Variants in AMER1 observed in about 807,000 individuals in gnomAD.
AMER1 encodes the protein RP11-403E24.2.
In AMER1, 16 loss-of-function variants were observed where a neutral mutation model predicts 53.0. That is an observed-to-expected ratio of 0.30 (90% CI 0.20 to 0.46). The LOEUF is 0.46. Among genes scored for constraint, AMER1 ranks in the 20% least tolerant of loss-of-function variants. The pLI is 1.00. For missense variants in AMER1, 947 were observed against 884.9 expected (o/e 1.07, Z -0.89); for synonymous variants, 354 against 331.9 (o/e 1.07, Z -0.73).
At position 64,192,362 on chromosome X, in the gene AMER1, G is replaced by A. The variant is rs2147089452; in HGVS notation, c.925C>T (p.Leu309=). Residue 309 remains leucine (L), a synonymous_variant, in exon 2 of 2, where the codon CTG becomes TTG. Transcript: ENST00000374869. ...GTCACATCCCCAAACAAGAGGCTCA[G>A]TGGGTCCCCCACAGGGCCATTGGGT... ...NPPNGPVGDP[L]SLLFGDVTSL... The A allele has an allele frequency of 2.5e-6, 3 of 1,212,545 alleles. No individual in the cohort carries two copies. Among genetic ancestry groups the A allele is most frequent in the Non-Finnish European group, 3.3e-6 (3 of 895,692 alleles).
intron 1 of AMER1, among the ~76,000 whole-genome samples, chrX:64,205,147 G>C (rs979183471): frequency 2.6e-5 from 3 of 113,752 alleles, no homozygotes; most frequent in African/African-American, 9.5e-5. Context: ...GGGGTGAGCG[G>C]TACCCGCGTT....
Position 64,189,476 on chromosome X carries a change from G to GTA in AMER1, c.*402_*403insTA, listed in dbSNP as rs1458101676. ...TGTGCATGTGTGTTTGTGTGTGTGT[G>GTA]TGTATGTATGTGTGTGTGTGTGTGT... On this transcript the variant is annotated 3_prime_UTR_variant, in exon 2 of 2. Coordinates refer to ENST00000374869, the MANE Select transcript of AMER1 (RefSeq NM_152424.4). 9 of 628,643 alleles carry GTA rather than the reference G, an allele frequency of 1.4e-5. No homozygotes were observed. The African/African-American group carries it at 2.2e-4, about 15-fold the overall frequency. 51.8% of individuals were successfully genotyped at this position (628,643 alleles called of 1,213,427 possible).
At position 64,189,525 on chromosome X, in the gene AMER1, T is replaced by G. The variant is rs1930187896; in HGVS notation, c.*354A>C. On this transcript the variant is annotated 3_prime_UTR_variant, in exon 2 of 2. Transcript: ENST00000374869. The stretch of plus-strand genomic sequence containing the variant: ...GTGTGTGTGTGTGTGTATATATATA[T>G]ATATATATATATATATATATATATA... 1.3e-5 allele frequency: 1 copy of G among 78,678 alleles called. No individual in the cohort carries two copies. Among genetic ancestry groups the G allele is most frequent in the Non-Finnish European group, 1.8e-5 (1 of 56,412 alleles). 6.5% of individuals were successfully genotyped at this position (78,678 alleles called of 1,213,427 possible).
At chrX:64,200,326 G>A (rs1374239854) in intron 1 of AMER1, among the ~76,000 whole-genome samples, 1 of 111,962 alleles carries the variant, frequency 8.9e-6, no homozygotes, top group African/African-American at 3.2e-5. Context: ...CCCTACAGAG[G>A]AGCAGCTGGG....
chrX:64,189,794 C>CGGGGGGGG lies in AMER1; in HGVS notation c.*84_*85insCCCCCCCC. Reference sequence around the variant, plus strand: ...AAAGGGTTTTCAAGTTAAACAACAACCCCCACCCCCCCACCCTTCTGCCCA... The same window carrying CGGGGGGGG: ...AAAGGGTTTTCAAGTTAAACAACAACGGGGGGGGCCCCACCCCCCCACCCTTCTGCCCA... On this transcript the variant is annotated 3_prime_UTR_variant, in exon 2 of 2. Coordinates refer to ENST00000374869, the MANE Select transcript of AMER1 (RefSeq NM_152424.4). The CGGGGGGGG allele has an allele frequency of 9.0e-5, 27 of 301,520 alleles. No individual in the cohort carries two copies. The highest frequency in any genetic ancestry group is 1.1e-4 in the Non-Finnish European group (26 of 232,613). 24.8% of individuals were successfully genotyped at this position (301,520 alleles called of 1,213,427 possible).
Position 64,189,793 on chromosome X carries a change from A to ACGGGGGCCCCCC in AMER1, c.*85_*86insGGGGGGCCCCCG. ...CAAAGGGTTTTCAAGTTAAACAACA[A>ACGGGGGCCCCCC]CCCCCACCCCCCCACCCTTCTGCCC... On this transcript the variant is annotated 3_prime_UTR_variant, in exon 2 of 2. Transcript: ENST00000374869. 3.4e-6 allele frequency: 1 copy of ACGGGGGCCCCCC among 292,073 alleles called. No homozygotes were observed. Among genetic ancestry groups the ACGGGGGCCCCCC allele is most frequent in the Non-Finnish European group, 4.9e-6 (1 of 204,831 alleles). The allele number at this position is 292,073 out of a possible 1,213,427, so 24.1% of individuals were successfully genotyped here.
chrX:64,191,994 T>A lies in AMER1; in HGVS notation c.1293A>T (p.Pro431=). The A allele has an allele frequency of 8.3e-7, 1 of 1,212,035 alleles. No homozygotes were observed. Among genetic ancestry groups the A allele is most frequent in the Non-Finnish European group, 1.1e-6 (1 of 895,577 alleles). ...MNLGYHPTTS[P]GHHGYMLLDP... is the part of the protein sequence containing the mutation. ...CAAGGAGCATGTAGCCGTGGTGGCCTGGGGATGTGGTGGGATGGTAGCCCA... is the reference window on the plus strand; with the variant it reads ...CAAGGAGCATGTAGCCGTGGTGGCCAGGGGATGTGGTGGGATGGTAGCCCA... Residue 431 remains proline, a synonymous_variant, in exon 2 of 2, where the codon CCA becomes CCT. Coordinates refer to ENST00000374869, the MANE Select transcript of AMER1 (RefSeq NM_152424.4).
intron 1 of AMER1, among the ~76,000 whole-genome samples, chrX:64,196,313 A>G (rs1227438729): frequency 8.9e-6 from 1 of 112,374 alleles, no homozygotes; most frequent in Non-Finnish European, 1.9e-5. Flanking sequence ...TTTTGAGATC[A>G]AAACAGCTCC....
Position 64,189,793 on chromosome X carries a change from A to ACGGGGGGGCCCCCCCC in AMER1, c.*85_*86insGGGGGGGGCCCCCCCG. On this transcript the variant is annotated 3_prime_UTR_variant, in exon 2 of 2. Coordinates refer to ENST00000374869, the MANE Select transcript of AMER1 (RefSeq NM_152424.4). The stretch of plus-strand genomic sequence containing the variant: ...CAAAGGGTTTTCAAGTTAAACAACA[A>ACGGGGGGGCCCCCCCC]CCCCCACCCCCCCACCCTTCTGCCC... 6.8e-6 allele frequency: 2 copies of ACGGGGGGGCCCCCCCC among 292,069 alleles called. No homozygotes were observed. The highest frequency in any genetic ancestry group is 9.8e-6 in the Non-Finnish European group (2 of 204,829). The allele number at this position is 292,069 out of a possible 1,213,427, so 24.1% of individuals were successfully genotyped here. A position where few individuals can be genotyped will look rare whatever the true frequency, so the allele number is the denominator to read the frequency against.
Position 64,193,290 on chromosome X carries a change from G to C in AMER1, c.-4C>G, listed in dbSNP as rs768573091. 8.3e-7 allele frequency: 1 copy of C among 1,211,480 alleles called. No individual in the cohort carries two copies. ...CTTCATCCTTTTGGGTCTCCATGAT[G>C]ATGGGGACAACTGAGGTACGTCCAG... On this transcript the variant is annotated 5_prime_UTR_variant, in exon 2 of 2. It adds an upstream start codon to the 5' untranslated region. Coordinates refer to ENST00000374869, the MANE Select transcript of AMER1 (RefSeq NM_152424.4).
chrX:64,187,802 C>T lies in AMER1; in HGVS notation c.*2077G>A, dbSNP rs1930138457. ...AGAGGCCAGAAAGTTGGAATTTGGG[C>T]ACTTCTCTCTTGGAATGCTGTGCTT... On this transcript the variant is annotated 3_prime_UTR_variant, in exon 2 of 2. Coordinates refer to ENST00000374869, the MANE Select transcript of AMER1 (RefSeq NM_152424.4). The T allele has an allele frequency of 9.0e-6, 7 of 775,501 alleles. No homozygotes were observed. Among genetic ancestry groups the T allele is most frequent in the Middle Eastern group, 6.8e-4 (1 of 1,460 alleles). The allele number at this position is 775,501 out of a possible 1,213,427, so 63.9% of individuals were successfully genotyped here. A position where few individuals can be genotyped will look rare whatever the true frequency, so the allele number is the denominator to read the frequency against.
chrX:64,197,738 G>C (rs1930404711), intron 1 of AMER1, among the ~76,000 whole-genome samples: 1 of 112,315 alleles, frequency 8.9e-6, no homozygotes, highest in Non-Finnish European at 1.9e-5. Context: ...GCCCTCCAGA[G>C]AGCTGGCCAT....
Position 64,187,797 on chromosome X carries a change from T to G in AMER1, c.*2082A>C. 1 of 776,754 alleles carries G rather than the reference T, an allele frequency of 1.3e-6. No individual in the cohort carries two copies. Among genetic ancestry groups the G allele is most frequent in the Non-Finnish European group, 1.5e-6 (1 of 652,339 alleles). The allele number at this position is 776,754 out of a possible 1,213,427, so 64.0% of individuals were successfully genotyped here. ...TGGTAAGAGGCCAGAAAGTTGGAAT[T>G]TGGGCACTTCTCTCTTGGAATGCTG... On this transcript the variant is annotated 3_prime_UTR_variant, in exon 2 of 2. Coordinates refer to ENST00000374869, the MANE Select transcript of AMER1 (RefSeq NM_152424.4).
rs966101634 is a variant in AMER1 at position 64,190,425 on chromosome X, C to A, written c.2862G>T (p.Gly954=). 2 of 1,210,129 alleles carry A rather than the reference C, an allele frequency of 1.7e-6. No homozygotes were observed. The highest frequency in any genetic ancestry group is 3.5e-5 in the African/African-American group (2 of 57,283). Residue 954 remains glycine, a synonymous_variant, in exon 2 of 2, where the codon GGG becomes GGT. Transcript: ENST00000374869. ...GAGCCCAAGCAGGCCAATCATAGGC[C>A]CCTGGGGGTTCAGTATAGAGGGAAA... ...SPLSLYTEPP[G]AYDWPAWAPC...
At position 64,186,757 on chromosome X, in the gene AMER1, G is replaced by A. The variant is rs191137247; in HGVS notation, c.*3122C>T. ...CAGATAGGTAGGGCTGGCTTGAACTGGGCCCCAAGGCAGTGCTTCCTTGGA... is the reference window on the plus strand; with the variant it reads ...CAGATAGGTAGGGCTGGCTTGAACTAGGCCCCAAGGCAGTGCTTCCTTGGA... On this transcript the variant is annotated 3_prime_UTR_variant, in exon 2 of 2. Coordinates refer to ENST00000374869, the MANE Select transcript of AMER1 (RefSeq NM_152424.4). 1.6e-5 allele frequency: 12 copies of A among 773,538 alleles called. No individual in the cohort carries two copies. In the East Asian group the frequency reaches 1.0e-3, roughly 65 times the overall value. The allele number at this position is 773,538 out of a possible 1,213,427, so 63.7% of individuals were successfully genotyped here. A position where few individuals can be genotyped will look rare whatever the true frequency, so the allele number is the denominator to read the frequency against.
chrX:64,200,248 C>T (rs926088107), intron 1 of AMER1, among the ~76,000 whole-genome samples: 1 of 112,503 alleles, frequency 8.9e-6, no homozygotes, highest in African/African-American at 3.2e-5. Flanking sequence ...TCCCCACCCC[C>T]CGTTCAAATG....
Position 64,189,137 on chromosome X carries a change from C to A in AMER1, c.*742G>T, listed in dbSNP as rs1207275750. ...GGCAGGACAGTTAAAAGGCCCCCAT[C>A]TGGTCATGATGCCAAAGTCCACAGC... is the stretch of plus-strand genomic sequence containing the variant. On this transcript the variant is annotated 3_prime_UTR_variant, in exon 2 of 2. Transcript: ENST00000374869. 7 of 797,301 alleles carry A rather than the reference C, an allele frequency of 8.8e-6. No individual in the cohort carries two copies. Among genetic ancestry groups the A allele is most frequent in the Admixed American group, 7.9e-5 (1 of 12,621 alleles). 65.7% of individuals were successfully genotyped at this position (797,301 alleles called of 1,213,427 possible). A position where few individuals can be genotyped will look rare whatever the true frequency, so the allele number is the denominator to read the frequency against.
Position 64,189,514 on chromosome X carries a change from G to GTGTGTGTGTGTATATATATATATA in AMER1, c.*364_*365insTATATATATATATACACACACACA, listed in dbSNP as rs1205241247. ...TGTGTGTGTGTGTGTGTGTGTGTGT[G>GTGTGTGTGTGTATATATATATATA]TATATATATATATATATATATATAT... On this transcript the variant is annotated 3_prime_UTR_variant, in exon 2 of 2. Transcript: ENST00000374869. The GTGTGTGTGTGTATATATATATATA allele has an allele frequency of 3.6e-5, 1 of 28,073 alleles. No individual in the cohort carries two copies. Among genetic ancestry groups the GTGTGTGTGTGTATATATATATATA allele is most frequent in the African/African-American group, 1.7e-4 (1 of 5,950 alleles). 2.3% of individuals were successfully genotyped at this position (28,073 alleles called of 1,213,427 possible). A position where few individuals can be genotyped will look rare whatever the true frequency, so the allele number is the denominator to read the frequency against.
chrX:64,189,363 G>A lies in AMER1; in HGVS notation c.*516C>T. 1 of 785,556 alleles carries A rather than the reference G, an allele frequency of 1.3e-6. No individual in the cohort carries two copies. The highest frequency in any genetic ancestry group is 1.5e-6 in the Non-Finnish European group (1 of 658,860). The allele number at this position is 785,556 out of a possible 1,213,427, so 64.7% of individuals were successfully genotyped here. ...AGCGGGAGGCAATGCAGACTTGGCTGCTAATCAGTGGTTCATCATTCATTG... is the reference window on the plus strand; with the variant it reads ...AGCGGGAGGCAATGCAGACTTGGCTACTAATCAGTGGTTCATCATTCATTG... On this transcript the variant is annotated 3_prime_UTR_variant, in exon 2 of 2. Coordinates refer to ENST00000374869, the MANE Select transcript of AMER1 (RefSeq NM_152424.4).
Sources: allele counts gnomAD v4.1 joint callset (sites outside exome capture counted in the v4.1 genomes callset), GRCh38; gene constraint gnomAD v4.1.1; transcripts MANE v1.5; gene names NCBI Gene and HGNC (gene_info 2026-07-23, HGNC 2026-07-21).